Variants in CUBN observed in about 807,000 individuals in gnomAD.
CUBN encodes the protein 460 kDa receptor.
A neutral mutation model predicts 405.3 loss-of-function variants in CUBN; 282 were observed. That is an observed-to-expected ratio of 0.70 (90% CI 0.63 to 0.77). The LOEUF is 0.77. CUBN is among the 30% of genes least tolerant of loss of function. CUBN has a pLI of 0.00. For missense variants in CUBN, 4,514 were observed against 4,475.2 expected, an observed-to-expected ratio of 1.01 and a Z score of -0.25; for synonymous variants, 1,684 against 1,617.0, an observed-to-expected ratio of 1.04 and a Z score of -0.99.
intron 28 of CUBN, among the ~76,000 whole-genome samples, chr10:16,997,543 C>T (rs754813261): frequency 4.6e-5 from 7 of 151,932 alleles, no homozygotes; most frequent in Non-Finnish European, 1.0e-4. Context: ...TAACTAAGAG[C>T]TCAGAATCTG....
chr10:17,098,753 A>T (rs562600712), intron 14 of CUBN, among the ~76,000 whole-genome samples: 20 of 152,322 alleles, frequency 1.3e-4, no homozygotes, highest in African/African-American at 3.4e-4. Flanking sequence ...TCAAATATTT[A>T]AAAAATACAT....
intron 59 of CUBN, among the ~76,000 whole-genome samples, chr10:16,855,809 G>A (rs972450634): frequency 2.6e-5 from 4 of 152,062 alleles, no homozygotes; most frequent in Admixed American, 1.3e-4. Flanking sequence ...GATAATCCTG[G>A]CCAAAATAAT....
At chr10:16,846,821 A>AG (rs1231515036) in intron 60 of CUBN, among the ~76,000 whole-genome samples, 3 of 98,268 alleles carry the variant, frequency 3.1e-5, no homozygotes, top group Non-Finnish European at 8.5e-5. Context: ...TCAAAAAAAA[A>AG]AAAAGAAAAG....
At chr10:17,114,544 C>T (rs966323561) in intron 7 of CUBN, among the ~76,000 whole-genome samples, 22 of 152,166 alleles carry the variant, frequency 1.4e-4, no homozygotes, top group Admixed American at 7.2e-4. Context: ...AAATCAATTC[C>T]GTTTGTTTTT....
intron 17 of CUBN, among the ~76,000 whole-genome samples, chr10:17,081,831 T>G (rs527322525): frequency 3.3e-5 from 5 of 152,316 alleles, no homozygotes; most frequent in African/African-American, 9.6e-5. Context: ...ATTTGTAAAA[T>G]TAAGGTCCTT....
At position 16,824,921 on chromosome 10, in the gene CUBN, C is replaced by G; in HGVS notation, c.*54G>C. ...GGTCATGTATCAGGATGGCAGAGTG[C>G]TGTCCAGCGTGCTGCAGAGGGAAAG... On this transcript the variant is annotated 3_prime_UTR_variant, in exon 67 of 67. Transcript: ENST00000377833. 4 of 1,235,340 alleles carry G rather than the reference C, an allele frequency of 3.2e-6. No individual in the cohort carries two copies. The South Asian group carries it at 4.9e-5, about 15-fold the overall frequency. The allele number at this position is 1,235,340 out of a possible 1,614,324, so 76.5% of individuals were successfully genotyped here. A position where few individuals can be genotyped will look rare whatever the true frequency, so the allele number is the denominator to read the frequency against.
intron 5 of CUBN, 90 bp from the exon 6 acceptor site, chr10:17,122,988 G>A (rs931169847): frequency 9.2e-6 from 8 of 868,952 alleles, no homozygotes; most frequent in South Asian, 4.0e-5. Flanking sequence ...GGATTTATAC[G>A]TGGACAGTAT....
chr10:16,888,348 G>T, intron 56 of CUBN, 69 bp downstream of exon 56: 1 of 1,252,112 alleles, frequency 8.0e-7, no homozygotes, highest in Non-Finnish European at 1.1e-6. Flanking sequence ...GTCAAAACAT[G>T]TTGTACACCA....
chr10:17,021,284 A>AT (rs1309289067), intron 27 of CUBN, among the ~76,000 whole-genome samples: 1 of 152,194 alleles, frequency 6.6e-6, no homozygotes, highest in Admixed American at 6.5e-5. Flanking sequence ...TATCAGCTGT[A>AT]TATCTCCAAA....
intron 19 of CUBN, among the ~76,000 whole-genome samples, chr10:17,070,692 G>T (rs1249986664): frequency 6.6e-6 from 1 of 152,072 alleles, no homozygotes; most frequent in Non-Finnish European, 1.5e-5. Context: ...GAAAAAGAAA[G>T]ATTTCTATAT....
chr10:16,999,064 T>C (rs937893899), intron 28 of CUBN, among the ~76,000 whole-genome samples: 2 of 152,226 alleles, frequency 1.3e-5, no homozygotes, highest in Middle Eastern at 3.2e-3. Context: ...AGTGAAAGAA[T>C]AAGTTATTGC....
At chr10:17,007,593 T>C (rs752664429) in intron 28 of CUBN, among the ~76,000 whole-genome samples, 3 of 150,184 alleles carry the variant, frequency 2.0e-5, no homozygotes, top group African/African-American at 4.9e-5. Context: ...TGTTTGGAGA[T>C]CGTACTGCAC....
intron 25 of CUBN, among the ~76,000 whole-genome samples, chr10:17,044,516 C>T (rs184744377): frequency 6.6e-6 from 1 of 152,022 alleles, no homozygotes; most frequent in South Asian, 2.1e-4. Context: ...TGTAATGCCA[C>T]AGCTGATGTC....
At position 17,103,176 on chromosome 10, in the gene CUBN, A is replaced by T. The variant is rs765996128; in HGVS notation, c.1479T>A (p.Gly493=). The change falls in exon 13 of 67, where the codon GGT becomes GGA. Residue 493 remains glycine (G), a synonymous_variant. Coordinates refer to ENST00000377833, the MANE Select transcript of CUBN (RefSeq NM_001081.4). ...AGAAGCAGTTAACATCATGAACATAACCAACATCCGGGCTCCTGTAGCTGA... is the reference window on the plus strand; with the variant it reads ...AGAAGCAGTTAACATCATGAACATATCCAACATCCGGGCTCCTGTAGCTGA... The part of the protein sequence containing the change: ...GSFSYRSPDV[G]YVHDVNCFWV... 4 of 1,614,030 alleles carry T rather than the reference A, an allele frequency of 2.5e-6. No individual in the cohort carries two copies. The highest frequency in any genetic ancestry group is 3.4e-6 in the Non-Finnish European group (4 of 1,179,934).
intron 15 of CUBN, 32 bp downstream of exon 15, chr10:17,088,132 G>T: frequency 6.5e-7 from 1 of 1,545,632 alleles, no homozygotes; most frequent in Non-Finnish European, 8.9e-7. Flanking sequence ...TAATCATATT[G>T]TGATATGTTC....
intron 66 of CUBN, among the ~76,000 whole-genome samples, chr10:16,826,721 C>T (rs1838795352): frequency 2.6e-5 from 4 of 152,096 alleles, no homozygotes; most frequent in South Asian, 4.1e-4. Flanking sequence ...ATTAAATGGC[C>T]GTCACTTCTC....
intron 31 of CUBN, among the ~76,000 whole-genome samples, chr10:16,968,960 C>T (rs963276004): frequency 3.3e-5 from 5 of 152,234 alleles, no homozygotes; most frequent in African/African-American, 1.2e-4. Flanking sequence ...GTGTTGAAAC[C>T]TGCCTGCAAG....
intron 22 of CUBN, among the ~76,000 whole-genome samples, chr10:17,052,892 G>A (rs151299576): frequency 6.7e-6 from 1 of 150,238 alleles, no homozygotes; most frequent in Non-Finnish European, 1.5e-5. Flanking sequence ...CACACAGAAG[G>A]ATAGGCACAT....
chr10:17,096,689 A>G (rs946306042), intron 14 of CUBN, among the ~76,000 whole-genome samples: 1 of 152,106 alleles, frequency 6.6e-6, no homozygotes, highest in African/African-American at 2.4e-5. Context: ...ACATCTAACC[A>G]TTACAGAATA....
Sources: gnomAD v4.1 joint callset for allele counts (sites outside exome capture counted in the v4.1 genomes callset) on GRCh38, gnomAD v4.1.1 for gene constraint, MANE v1.5 for transcripts, NCBI Gene and HGNC (gene_info 2026-07-23, HGNC 2026-07-21) for gene names.